The following SNTG1 variants were observed in gnomAD, a reference collection of about 807,000 sequenced individuals.
The protein encoded by SNTG1 is gamma-1-syntrophin.
SNTG1 carries 39 observed loss-of-function variants against 74.7 expected under a neutral mutation model. The observed-to-expected ratio is 0.52, with a 90% CI of 0.40 to 0.68. The LOEUF (loss-of-function observed/expected upper bound fraction) is 0.68. Among genes scored for constraint, SNTG1 ranks in the 30% least tolerant of loss-of-function variants. The pLI is 0.00. For missense variants in SNTG1, 685 were observed against 609.5 expected (o/e 1.12, Z -1.30); for synonymous variants, 254 against 217.1 (o/e 1.17, Z -1.49).
chr8:49,933,941 G>A (rs1454951854), intron 1 of SNTG1, among the ~76,000 whole-genome samples: 1 of 152,130 alleles, frequency 6.6e-6, no homozygotes, highest in East Asian at 1.9e-4. Context: ...AAGGGAAAAG[G>A]CATAAATGTG....
chr8:50,345,702 AT>A (rs752357944), intron 2 of SNTG1, among the ~76,000 whole-genome samples: 13 of 152,184 alleles, frequency 8.5e-5, no homozygotes, highest in Admixed American at 3.3e-4. Context: ...ACGTTTATCA[AT>A]TTTTCAGTAT....
At chr8:50,587,820 G>T (rs76196887) in intron 12 of SNTG1, among the ~76,000 whole-genome samples, 3 of 145,304 alleles carry the variant, frequency 2.1e-5, no homozygotes, top group African/African-American at 7.7e-5. Flanking sequence ...AAAAGAAAAA[G>T]AAAAAAAAAT....
intron 2 of SNTG1, among the ~76,000 whole-genome samples, chr8:50,252,870 G>C (rs1290211149): frequency 6.6e-6 from 1 of 152,124 alleles, no homozygotes; most frequent in Non-Finnish European, 1.5e-5. Flanking sequence ...AACCATATCA[G>C]ACAGTAAAAG....
intron 1 of SNTG1, among the ~76,000 whole-genome samples, chr8:49,981,752 T>C (rs1812698405): frequency 6.6e-6 from 1 of 152,042 alleles, no homozygotes; most frequent in African/African-American, 2.4e-5. Flanking sequence ...ATTTTCCTGT[T>C]CCTCCCCAAA....
chr8:50,015,196 T>C (rs1314441948), intron 1 of SNTG1, among the ~76,000 whole-genome samples: 2 of 151,976 alleles, frequency 1.3e-5, no homozygotes, highest in Non-Finnish European at 2.9e-5. Context: ...GAGATCAAAA[T>C]AATAATTTTG....
chr8:49,933,522 A>G (rs984531068), intron 1 of SNTG1, among the ~76,000 whole-genome samples: 2 of 152,120 alleles, frequency 1.3e-5, no homozygotes, highest in Non-Finnish European at 2.9e-5. Context: ...GTAGAGGCCA[A>G]CTGTATTTAT....
At chr8:50,771,843 A>T (rs576066725) in intron 18 of SNTG1, among the ~76,000 whole-genome samples, 4 of 152,202 alleles carry the variant, frequency 2.6e-5, no homozygotes, top group Admixed American at 2.6e-4. Context: ...AAGTGGCCCC[A>T]AGTAAGGCTC....
At position 50,792,755 on chromosome 8, in the gene SNTG1, T is replaced by C. The variant is rs761992350; in HGVS notation, c.1480T>C (p.Phe494Leu). The change falls in exon 19 of 19, where the codon TTT becomes CTT. Residue 494 changes from phenylalanine to leucine, a missense_variant. Phe to Leu is a conservative substitution (Grantham distance 22, BLOSUM62 0). Transcript: ENST00000642720. ...CAAGGTAGCTTGTTTGGACCCTCTA[T>C]TTTTAGGCAATCAAGCTACTGCTTC... is the stretch of plus-strand genomic sequence containing the variant. ...AAKVACLDPLFLGNQATASTA... is the reference protein window; with the variant it reads ...AAKVACLDPLLLGNQATASTA... 1 of 1,612,682 alleles carries C rather than the reference T, an allele frequency of 6.2e-7. No homozygotes were observed. Among genetic ancestry groups the C allele is most frequent in the South Asian group, 1.1e-5 (1 of 91,032 alleles).
intron 15 of SNTG1, among the ~76,000 whole-genome samples, chr8:50,701,618 CG>C (rs145611234): frequency 1.2e-4 from 17 of 136,976 alleles, no homozygotes; most frequent in South Asian, 7.1e-4. Flanking sequence ...TCTTCTTCTT[CG>C]TGTTCCTCTT....
At chr8:50,553,249 A>C in intron 12 of SNTG1, 70 bp downstream of exon 12, 1 of 1,567,572 alleles carries the variant, frequency 6.4e-7, no homozygotes, top group Non-Finnish European at 8.7e-7. Flanking sequence ...GTATATATGT[A>C]ACTTCACATC....
intron 1 of SNTG1, among the ~76,000 whole-genome samples, chr8:49,993,227 G>A (rs529422855): frequency 1.2e-4 from 19 of 152,230 alleles, no homozygotes; most frequent in African/African-American, 4.1e-4. Flanking sequence ...AGCCCAGAGT[G>A]AGGTCAGGGC....
chr8:50,438,725 C>A, intron 5 of SNTG1, 126 bp downstream of exon 5: 1 of 685,968 alleles, frequency 1.5e-6, no homozygotes, highest in Non-Finnish European at 2.5e-6. Flanking sequence ...AATATTTGGA[C>A]GGGGATGTAA....
intron 1 of SNTG1, among the ~76,000 whole-genome samples, chr8:50,110,332 A>G (rs1259081771): frequency 6.6e-6 from 1 of 151,952 alleles, no homozygotes; most frequent in Non-Finnish European, 1.5e-5. Flanking sequence ...CCCTTTTCTC[A>G]GGGGCTTCCC....
At chr8:50,350,014 G>A (rs1052272188) in intron 2 of SNTG1, among the ~76,000 whole-genome samples, 15 of 152,200 alleles carry the variant, frequency 9.9e-5, no homozygotes, top group African/African-American at 2.4e-4. Flanking sequence ...CACTCAGAGC[G>A]GCCAGCCAGG....
chr8:50,551,440 C>T (rs1389109991), intron 11 of SNTG1, among the ~76,000 whole-genome samples: 2 of 152,064 alleles, frequency 1.3e-5, no homozygotes, highest in African/African-American at 4.8e-5. Flanking sequence ...AAAAATCTAG[C>T]TGCTATTTAA....
chr8:50,678,623 C>T (rs542294810), intron 15 of SNTG1, among the ~76,000 whole-genome samples: 47 of 129,694 alleles, frequency 3.6e-4, no homozygotes, highest in African/African-American at 1.8e-3. Context: ...AGCTTGGGGA[C>T]TTTAAAATTT....
At chr8:50,496,346 G>C (rs57650154) in intron 8 of SNTG1, among the ~76,000 whole-genome samples, 20,345 of 152,142 alleles carry the variant, frequency 0.13, 2,309 homozygotes, top group African/African-American at 0.31. Context: ...TGCCCTTGCT[G>C]TCTGTGAAGG....
chr8:50,089,138 A>C (rs1188341037), intron 1 of SNTG1, among the ~76,000 whole-genome samples: 8 of 151,446 alleles, frequency 5.3e-5, no homozygotes, highest in African/African-American at 1.4e-4. Context: ...CAAACCTGAC[A>C]AAAACAAGCA....
At chr8:50,291,343 C>G (rs1403928559) in intron 2 of SNTG1, among the ~76,000 whole-genome samples, 1 of 150,844 alleles carries the variant, frequency 6.6e-6, no homozygotes, top group South Asian at 2.1e-4. Flanking sequence ...GTGTGAGGTA[C>G]TATTTTTTTA....
Sources: allele counts gnomAD v4.1 joint callset (sites outside exome capture counted in the v4.1 genomes callset), GRCh38; gene constraint gnomAD v4.1.1; transcripts MANE v1.5; gene names NCBI Gene and HGNC (gene_info 2026-07-23, HGNC 2026-07-21).